Variants in ABTB3 observed in about 807,000 individuals in gnomAD.
ABTB3 encodes ankyrin repeat and BTB domain containing 3.
At chr12:107,528,800 C>T in the ABTB3 span, among the ~76,000 whole-genome samples, 4 of 151,352 alleles carry the variant, frequency 2.6e-5, no homozygotes, top group South Asian at 8.4e-4. Context: ...GTGATGGTGA[C>T]GGTGATGGAG....
the ABTB3 span, among the ~76,000 whole-genome samples, chr12:107,646,071 T>G: frequency 6.6e-6 from 1 of 152,246 alleles, no homozygotes; most frequent in South Asian, 2.1e-4. Flanking sequence ...CAAGTCTGTT[T>G]AACATCACGC....
chr12:107,372,406 A>G, the ABTB3 span, among the ~76,000 whole-genome samples: 1 of 152,200 alleles, frequency 6.6e-6, no homozygotes, highest in Admixed American at 6.5e-5. Context: ...TTCATAATAC[A>G]GGAAACCACC....
the ABTB3 span, among the ~76,000 whole-genome samples, chr12:107,524,451 G>C: frequency 6.6e-6 from 1 of 152,196 alleles, no homozygotes; most frequent in South Asian, 2.1e-4. Flanking sequence ...GATGGAGTTT[G>C]TTCTCAGTCA....
the ABTB3 span, among the ~76,000 whole-genome samples, chr12:107,449,198 G>A: frequency 1.3e-5 from 2 of 152,230 alleles, no homozygotes; most frequent in African/African-American, 2.4e-5. Flanking sequence ...TGGGCTCCAG[G>A]AAGCCCAGGT....
the ABTB3 span, among the ~76,000 whole-genome samples, chr12:107,464,626 C>T: frequency 1.3e-5 from 2 of 152,126 alleles, no homozygotes; most frequent in Non-Finnish European, 2.9e-5. Context: ...TGACATTTGA[C>T]CAGAGGCCTG....
the ABTB3 span, among the ~76,000 whole-genome samples, chr12:107,629,946 A>G: frequency 6.6e-6 from 1 of 152,002 alleles, no homozygotes; most frequent in Non-Finnish European, 1.5e-5. Context: ...CCTGATACGA[A>G]TGACACCACC....
the ABTB3 span, among the ~76,000 whole-genome samples, chr12:107,321,937 G>A: frequency 6.6e-6 from 1 of 152,010 alleles, no homozygotes; most frequent in African/African-American, 2.4e-5. Context: ...GTGGAAATCT[G>A]GTCACCCTGC....
At chr12:107,490,927 A>G in the ABTB3 span, among the ~76,000 whole-genome samples, 23 of 152,274 alleles carry the variant, frequency 1.5e-4, no homozygotes, top group East Asian at 4.4e-3. Context: ...CGTAGATGAG[A>G]AAAGAGGCTC....
chr12:107,558,279 C>G, the ABTB3 span, among the ~76,000 whole-genome samples: 2 of 152,168 alleles, frequency 1.3e-5, no homozygotes, highest in Non-Finnish European at 2.9e-5. Context: ...TGAAATGCTT[C>G]TCTCTATGGG....
chr12:107,364,120 T>C, the ABTB3 span, among the ~76,000 whole-genome samples: 4 of 152,110 alleles, frequency 2.6e-5, no homozygotes, highest in Admixed American at 6.6e-5. Context: ...GCAGATTCCT[T>C]TGAAGGGCCA....
the ABTB3 span, among the ~76,000 whole-genome samples, chr12:107,582,957 A>C: frequency 6.6e-6 from 1 of 152,220 alleles, no homozygotes; most frequent in African/African-American, 2.4e-5. Flanking sequence ...CTGACAAAGC[A>C]TTCCTTGTTT....
the ABTB3 span, among the ~76,000 whole-genome samples, chr12:107,431,910 G>A: frequency 6.6e-5 from 10 of 152,186 alleles, no homozygotes; most frequent in South Asian, 2.1e-4. Context: ...AACATGGGCC[G>A]TCCAGGGAAT....
the ABTB3 span, among the ~76,000 whole-genome samples, chr12:107,483,835 T>A: frequency 6.6e-6 from 1 of 152,132 alleles, no homozygotes; most frequent in East Asian, 1.9e-4. Context: ...TACAAGCACA[T>A]GCCAGTATGC....
chr12:107,556,675 A>G, the ABTB3 span, among the ~76,000 whole-genome samples: 1 of 151,976 alleles, frequency 6.6e-6, no homozygotes, highest in East Asian at 1.9e-4. Context: ...TTTTCCTTTT[A>G]GTTTTGTCCC....
chr12:107,623,603 G>A, the ABTB3 span, among the ~76,000 whole-genome samples: 1 of 151,952 alleles, frequency 6.6e-6, no homozygotes, highest in Non-Finnish European at 1.5e-5. Context: ...CTGACCTCAG[G>A]TGATCTACTT....
the ABTB3 span, among the ~76,000 whole-genome samples, chr12:107,327,969 G>T: frequency 9.2e-5 from 14 of 152,170 alleles, no homozygotes; most frequent in South Asian, 2.1e-4. Flanking sequence ...GATAGAGAAT[G>T]TGGAGGATTA....
At chr12:107,563,824 G>C in the ABTB3 span, among the ~76,000 whole-genome samples, 13 of 152,256 alleles carry the variant, frequency 8.5e-5, no homozygotes, top group East Asian at 2.3e-3. Flanking sequence ...AAAATGCCTG[G>C]TCATTTGCTG....
At chr12:107,617,776 G>C in the ABTB3 span, 246 of 360,276 alleles carry the variant, frequency 6.8e-4, no homozygotes, top group Non-Finnish European at 8.6e-4. Context: ...TTTCATATTT[G>C]GTGACTTCCC....
the ABTB3 span, among the ~76,000 whole-genome samples, chr12:107,630,602 C>A: frequency 1.3e-5 from 2 of 151,316 alleles, no homozygotes; most frequent in African/African-American, 4.9e-5. Flanking sequence ...CACCACCATG[C>A]CCAATTAAAA....
Sources: gnomAD v4.1 joint callset for allele counts (sites outside exome capture counted in the v4.1 genomes callset) on GRCh38, gnomAD v4.1.1 for gene constraint, MANE v1.5 for transcripts, NCBI Gene and HGNC (gene_info 2026-07-23, HGNC 2026-07-21) for gene names.